The following FAM20A variants were observed in gnomAD, a reference collection of about 807,000 sequenced individuals.
FAM20A encodes the protein FAM20A golgi associated secretory pathway pseudokinase, also known as pseudokinase FAM20A.
FAM20A carries 42 observed loss-of-function variants against 52.0 expected under a neutral mutation model. The observed-to-expected ratio is 0.81, with a 90% CI of 0.63 to 1.04. FAM20A has a LOEUF of 1.04. Among genes scored for constraint, FAM20A ranks in the 50% least tolerant of loss-of-function variants. The probability of loss-of-function intolerance (pLI) is 0.00; values close to 1 mark genes in which losing one functional copy is unlikely to be tolerated. For missense variants in FAM20A, 742 were observed against 712.7 expected (o/e 1.04, Z -0.47); for synonymous variants, 304 against 298.9 (o/e 1.02, Z -0.18).
chr17:68,543,621 G>A lies in FAM20A; in HGVS notation c.812+8C>T, dbSNP rs2086412626. The stretch of plus-strand genomic sequence containing the variant: ...AGGCAATGCCATCTCCATGGGGCCA[G>A]ACCCTACCTGTCCAGATGGAAAGCT... On this transcript the variant is annotated splice_region_variant and intron_variant, in intron 5 of 10. Transcript: ENST00000592554. 6.2e-7 allele frequency: 1 copy of A among 1,613,844 alleles called. No homozygotes were observed. The highest frequency in any genetic ancestry group is 8.5e-7 in the Non-Finnish European group (1 of 1,179,788).
intron 1 of FAM20A, among the ~76,000 whole-genome samples, chr17:68,557,767 C>T (rs1019338099): frequency 2.6e-5 from 4 of 152,110 alleles, no homozygotes; most frequent in African/African-American, 9.7e-5. Context: ...CGGTAATCAC[C>T]ACCCCCATTC....
Position 68,577,877 on chromosome 17 carries a change from T to A in FAM20A, c.405-22134A>T, listed in dbSNP as rs189720891. On this transcript the variant is annotated intron_variant, in intron 1 of 10. Coordinates refer to ENST00000592554, the MANE Select transcript of FAM20A (RefSeq NM_017565.4). ...ACTTCTACCAACCTAACAAGCATAT[T>A]GATAAAACACTAACACACGTGTTAG... Among the ~76,000 whole-genome samples, 346 of 152,308 alleles carry A rather than the reference T, an allele frequency of 2.3e-3. 1 individual carries two copies. The highest frequency in any genetic ancestry group is 0.01 in the Middle Eastern group (3 of 294).
chr17:68,549,577 T>A (rs1434991754), intron 4 of FAM20A, among the ~76,000 whole-genome samples: 1 of 152,174 alleles, frequency 6.6e-6, no homozygotes, highest in South Asian at 2.1e-4. Flanking sequence ...ACCTGGTGAT[T>A]TGTGGTGCGT....
intron 1 of FAM20A, among the ~76,000 whole-genome samples, chr17:68,570,215 A>G (rs1208741870): frequency 1.3e-5 from 2 of 152,128 alleles, no homozygotes; most frequent in East Asian, 3.9e-4. Flanking sequence ...AGCTGGGATT[A>G]TGGGCACCTG....
chr17:68,552,242 G>GA lies in FAM20A; in HGVS notation c.641-292dup, dbSNP rs1053172976. Among the ~76,000 whole-genome samples, 3,387 of 141,658 alleles carry GA rather than the reference G, an allele frequency of 0.024. 141 individuals are homozygous for GA. Among genetic ancestry groups the GA allele is most frequent in the African/African-American group, 0.082 (3,180 of 38,848 alleles). The allele number at this position is 141,658 out of a possible 152,430, so 92.9% of individuals were successfully genotyped here. ...GGCAACATAGTGAGACCTCCATTTT[G>GA]AAAAAAAAAAAGTACATTTTCTGCT... On this transcript the variant is annotated intron_variant, in intron 3 of 10. Coordinates refer to ENST00000592554, the MANE Select transcript of FAM20A (RefSeq NM_017565.4).
chr17:68,592,022 G>A (rs2088327856), intron 1 of FAM20A: 1 of 152,202 alleles, frequency 6.6e-6, no homozygotes, highest in Non-Finnish European at 1.5e-5. Context: ...GTAAGAAAAT[G>A]AACATATGCA....
chr17:68,585,901 CCT>C (rs1409266333), intron 1 of FAM20A, among the ~76,000 whole-genome samples: 1 of 152,222 alleles, frequency 6.6e-6, no homozygotes, highest in East Asian at 1.9e-4. Context: ...CATACAGTGT[CCT>C]CTCTTGGAGG....
At chr17:68,572,008 A>ATATATATATATATAT (rs2143802583) in intron 1 of FAM20A, among the ~76,000 whole-genome samples, 1 of 45,286 alleles carries the variant, frequency 2.2e-5, no homozygotes, top group Admixed American at 2.0e-4. Context: ...ATATATATAT[A>ATATATATATATATAT]TATATATATA....
rs539544601 is a variant in FAM20A at position 68,579,813 on chromosome 17, G to A, written c.404+20450C>T. ...GAAGATGAAGTGCTGGCTCTTCAAT[G>A]CTTTGGGAAGCGACGCAGATCACAT... On this transcript the variant is annotated intron_variant, in intron 1 of 10. Coordinates refer to ENST00000592554, the MANE Select transcript of FAM20A (RefSeq NM_017565.4). Among the ~76,000 whole-genome samples, 3 of 152,254 alleles carry A rather than the reference G, an allele frequency of 2.0e-5. No homozygotes were observed. In the East Asian group the frequency reaches 5.8e-4, roughly 30 times the overall value.
rs944107686 is a variant in FAM20A at position 68,537,227 on chromosome 17, C to A, written c.*250G>T. The A allele has an allele frequency of 1.1e-5, 7 of 644,026 alleles. No individual in the cohort carries two copies. In the Admixed American group the frequency reaches 1.2e-4, roughly 11 times the overall value. 39.9% of individuals were successfully genotyped at this position (644,026 alleles called of 1,614,324 possible). A position where few individuals can be genotyped will look rare whatever the true frequency, so the allele number is the denominator to read the frequency against. On this transcript the variant is annotated 3_prime_UTR_variant, in exon 11 of 11. Coordinates refer to ENST00000592554, the MANE Select transcript of FAM20A (RefSeq NM_017565.4). This position sits in a 1 kb window ranked among gnomAD's most constrained non-coding sequence, Gnocchi z 4.2. ...AGATTTCCCAGTGCACTCAGGAGAT[C>A]GTCGGTGGCCTTGATGAAGCCAGTG...
rs368661122 is a variant in FAM20A at position 68,584,155 on chromosome 17, A to G, written c.404+16108T>C. 1.0e-3 allele frequency among the ~76,000 whole-genome samples: 157 copies of G among 151,972 alleles called. 2 individuals are homozygous for G. The East Asian group carries it at 0.022, about 22-fold the overall frequency. On this transcript the variant is annotated intron_variant, in intron 1 of 10. Coordinates refer to ENST00000592554, the MANE Select transcript of FAM20A (RefSeq NM_017565.4). ...AACACGGTGAAACCCTGCCTCTACT[A>G]AAAATACAAAAATTAGCCAGGTGTG...
intron 1 of FAM20A, among the ~76,000 whole-genome samples, chr17:68,556,579 G>C (rs74000754): frequency 2.6e-5 from 4 of 151,970 alleles, no homozygotes; most frequent in East Asian, 3.9e-4. Flanking sequence ...GGGGCAGGGA[G>C]GGGGGGTGGT....
At chr17:68,557,195 G>T (rs1316755298) in intron 1 of FAM20A, among the ~76,000 whole-genome samples, 2 of 145,336 alleles carry the variant, frequency 1.4e-5, no homozygotes, top group East Asian at 3.9e-4. Context: ...GCGAGACTCT[G>T]ACTTTAAAAA....
At chr17:68,589,927 T>A (rs2088258411) in intron 1 of FAM20A, among the ~76,000 whole-genome samples, 1 of 152,216 alleles carries the variant, frequency 6.6e-6, no homozygotes, top group Non-Finnish European at 1.5e-5. Context: ...TAGCAGAGTA[T>A]TGAAAATCCT....
intron 7 of FAM20A, chr17:68,541,226 C>T: frequency 2.1e-6 from 1 of 465,328 alleles, no homozygotes; most frequent in Non-Finnish European, 4.0e-6. Flanking sequence ...CCGGGGCAGG[C>T]AGGAAAGGAG....
intron 1 of FAM20A, among the ~76,000 whole-genome samples, chr17:68,570,026 T>C (rs557784679): frequency 8.1e-4 from 124 of 152,354 alleles, no homozygotes; most frequent in African/African-American, 2.5e-3. Flanking sequence ...TTTCTGTTTC[T>C]GCTTAACCCT....
At chr17:68,581,199 G>A (rs895730432) in intron 1 of FAM20A, among the ~76,000 whole-genome samples, 1 of 152,118 alleles carries the variant, frequency 6.6e-6, no homozygotes, top group Non-Finnish European at 1.5e-5. Context: ...TGATGCAAAG[G>A]GGTGTACTGT....
chr17:68,536,110 CAT>C lies in FAM20A; in HGVS notation c.*1365_*1366del, dbSNP rs747244122. On this transcript the variant is annotated 3_prime_UTR_variant, in exon 11 of 11. Transcript: ENST00000592554. ...CAAAGTCCAGGGGCAGCATACCAGT[CAT>C]GTGGGGGTACCACGGGGTCAGAAGT... 3.1e-5 allele frequency: 14 copies of C among 454,116 alleles called. No individual in the cohort carries two copies. The highest frequency in any genetic ancestry group is 2.2e-4 in the South Asian group (14 of 64,468). 28.1% of individuals were successfully genotyped at this position (454,116 alleles called of 1,614,324 possible). A position where few individuals can be genotyped will look rare whatever the true frequency, so the allele number is the denominator to read the frequency against.
chr17:68,581,556 T>C (rs2088002276), intron 1 of FAM20A, among the ~76,000 whole-genome samples: 1 of 147,634 alleles, frequency 6.8e-6, no homozygotes, highest in Non-Finnish European at 1.5e-5. Context: ...CTTTCTTTCT[T>C]TCCTCTCTCT....
Sources: gnomAD v4.1 joint callset for allele counts (sites outside exome capture counted in the v4.1 genomes callset) on GRCh38, gnomAD v4.1.1 for gene constraint, Gnocchi (gnomAD v3.1) non-coding constraint, MANE v1.5 for transcripts, NCBI Gene and HGNC (gene_info 2026-07-23, HGNC 2026-07-21) for gene names.